The following MARCHF10 variants were observed in gnomAD, a reference collection of about 807,000 sequenced individuals.
MARCHF10 encodes the protein probable E3 ubiquitin-protein ligase MARCHF10.
MARCHF10 carries 64 observed loss-of-function variants against 76.2 expected under a neutral mutation model. That is an observed-to-expected ratio of 0.84 (90% CI 0.69 to 1.03). The LOEUF is 1.03. Among genes scored for constraint, MARCHF10 ranks in the 50% least tolerant of loss-of-function variants. MARCHF10 has a pLI of 0.00. For missense variants in MARCHF10, 875 were observed against 958.0 expected, an observed-to-expected ratio of 0.91 and a Z score of 1.14; for synonymous variants, 340 against 357.5, an observed-to-expected ratio of 0.95 and a Z score of 0.55.
At chr17:62,764,514 T>G (rs1415224169) in intron 3 of MARCHF10, among the ~76,000 whole-genome samples, 4 of 152,182 alleles carry the variant, frequency 2.6e-5, no homozygotes, top group Non-Finnish European at 5.9e-5. Context: ...GAACTTGGTC[T>G]CGTGAGATTA....
At chr17:62,796,963 G>A (rs1344395275) in intron 2 of MARCHF10, among the ~76,000 whole-genome samples, 3 of 151,926 alleles carry the variant, frequency 2.0e-5, no homozygotes, top group Non-Finnish European at 1.5e-5. Flanking sequence ...ACTGCACCCC[G>A]ACCTGGGCAA....
rs140445186 is a variant in MARCHF10, at chr17:62,742,885, C to T, written c.535+1491G>A. The stretch of plus-strand genomic sequence containing the variant: ...CTGGACTCAAGTGATCTTCCACCTC[C>T]GCCTCCTATAGTGCTGGGATTACAG... On this transcript the variant is annotated intron_variant, in intron 5 of 10. Coordinates refer to ENST00000311269, the MANE Select transcript of MARCHF10 (RefSeq NM_152598.4). Among the ~76,000 whole-genome samples, 1,422 of 151,986 alleles carry T rather than the reference C, an allele frequency of 9.4e-3. 12 individuals carry two copies. Among genetic ancestry groups the T allele is most frequent in the Middle Eastern group, 0.017 (5 of 294 alleles).
chr17:62,783,618 T>C (rs754782421), intron 3 of MARCHF10, among the ~76,000 whole-genome samples: 34 of 151,962 alleles, frequency 2.2e-4, no homozygotes, highest in Non-Finnish European at 3.2e-4. Flanking sequence ...ACAAAATTGA[T>C]AGACTGCTAA....
chr17:62,780,989 C>T (rs534716725), intron 3 of MARCHF10: 1 of 152,344 alleles, frequency 6.6e-6, no homozygotes, highest in East Asian at 1.9e-4. Flanking sequence ...CAGCAGCGGT[C>T]TCGCCGGTGC....
Position 62,737,079 on chromosome 17 carries a change from C to G in MARCHF10, c.789G>C (p.Gly263=). ...GPPLTPTTVG[G]PRKASFRFRD... ...GGAACCTAAATGATGCCTTTCTTGGCCCTCCTACAGTGGTGGGTGTGAGTG... is the reference window on the plus strand; with the variant it reads ...GGAACCTAAATGATGCCTTTCTTGGGCCTCCTACAGTGGTGGGTGTGAGTG... The change falls in exon 6 of 11, where the codon GGG becomes GGC. Residue 263 remains glycine, a synonymous_variant. Transcript: ENST00000311269. 7 of 1,614,068 alleles carry G rather than the reference C, an allele frequency of 4.3e-6. No individual in the cohort carries two copies. Among genetic ancestry groups the G allele is most frequent in the Non-Finnish European group, 5.9e-6 (7 of 1,180,024 alleles).
At chr17:62,713,395 A>G (rs765474677) in intron 8 of MARCHF10, among the ~76,000 whole-genome samples, 1 of 152,250 alleles carries the variant, frequency 6.6e-6, no homozygotes, top group Non-Finnish European at 1.5e-5. Context: ...AGGCATGCAG[A>G]TGGGAGAATA....
chr17:62,748,259 T>C (rs1458328683), intron 4 of MARCHF10, among the ~76,000 whole-genome samples: 1 of 152,120 alleles, frequency 6.6e-6, no homozygotes, highest in Non-Finnish European at 1.5e-5. Flanking sequence ...TAGTTGGGCA[T>C]GGTGGCACGC....
intron 4 of MARCHF10, among the ~76,000 whole-genome samples, chr17:62,751,746 C>T (rs939875641): frequency 1.3e-5 from 2 of 152,288 alleles, no homozygotes; most frequent in African/African-American, 2.4e-5. Context: ...TAAGGCTGGG[C>T]GTGGTGGCTC....
chr17:62,802,894 T>C (rs935146508), intron 1 of MARCHF10, among the ~76,000 whole-genome samples: 10 of 152,204 alleles, frequency 6.6e-5, no homozygotes, highest in African/African-American at 2.4e-4. Flanking sequence ...CAAAGAGTCA[T>C]GGGAAACTCC....
intron 8 of MARCHF10, among the ~76,000 whole-genome samples, chr17:62,713,660 A>T (rs2090046589): frequency 1.3e-5 from 2 of 152,202 alleles, no homozygotes; most frequent in South Asian, 4.1e-4. Flanking sequence ...GTTAACTCAA[A>T]GAGTTCCACC....
At chr17:62,725,208 A>G in intron 6 of MARCHF10, 104 bp from the exon 7 acceptor site, 1 of 1,022,820 alleles carries the variant, frequency 9.8e-7, no homozygotes, top group Non-Finnish European at 1.4e-6. Context: ...GGCTCCTGGT[A>G]CTCACCCGCT....
chr17:62,772,736 T>C (rs1597980919), intron 3 of MARCHF10, among the ~76,000 whole-genome samples: 1 of 152,224 alleles, frequency 6.6e-6, no homozygotes, highest in East Asian at 1.9e-4. Flanking sequence ...CTCCAACCTC[T>C]AATGAAATCT....
intron 7 of MARCHF10, 111 bp from the exon 8 acceptor site, chr17:62,722,708 C>A: frequency 1.3e-6 from 1 of 764,428 alleles, no homozygotes; most frequent in South Asian, 2.4e-5. Flanking sequence ...GAATTCTGAG[C>A]TTCAGTGACC....
Position 62,788,586 on chromosome 17 carries a change from C to T in MARCHF10, c.104G>A (p.Arg35Gln), listed in dbSNP as rs139531964. ...VDSEYQACLR[R>Q]QEYRRDPNEK... ...ATTTGGGTCTCTTCTATATTCCTGT[C>T]GTCTCAGACAAGCCTGAAGAACAAC... Residue 35 changes from arginine to glutamine, a missense_variant, in exon 3 of 11, where the codon CGA (arginine) becomes CAA (glutamine). Transcript: ENST00000311269. 82 of 1,614,006 alleles carry T rather than the reference C, an allele frequency of 5.1e-5. No individual in the cohort carries two copies. Among genetic ancestry groups the T allele is most frequent in the Non-Finnish European group, 6.6e-5 (78 of 1,180,006 alleles).
intron 3 of MARCHF10, among the ~76,000 whole-genome samples, chr17:62,766,090 G>A (rs1454580047): frequency 6.6e-6 from 1 of 152,168 alleles, no homozygotes; most frequent in African/African-American, 2.4e-5. Context: ...CAGCTACTCA[G>A]GAGGCTGAGG....
intron 5 of MARCHF10, among the ~76,000 whole-genome samples, chr17:62,739,314 C>T (rs1484756666): frequency 2.0e-5 from 3 of 151,790 alleles, no homozygotes; most frequent in Admixed American, 2.0e-4. Flanking sequence ...TAAATAAATA[C>T]ATAAATACAT....
At position 62,737,124 on chromosome 17, in the gene MARCHF10, C is replaced by G; in HGVS notation, c.744G>C (p.Leu248Phe). ...TGAGTGGTGGCCCCGAGAACTCACTCAATACTTGAGGACTATTTTTTCCTT... is the reference window on the plus strand; with the variant it reads ...TGAGTGGTGGCCCCGAGAACTCACTGAATACTTGAGGACTATTTTTTCCTT... ...AFQGKNSPQV[L>F]SEFSGPPLTP... The change falls in exon 6 of 11, where the codon TTG becomes TTC. Residue 248 changes from leucine to phenylalanine, a missense_variant. Physicochemically the swap from Leu to Phe is conservative, Grantham distance 22. Transcript: ENST00000311269. 1 of 1,614,106 alleles carries G rather than the reference C, an allele frequency of 6.2e-7. No homozygotes were observed. Among genetic ancestry groups the G allele is most frequent in the African/African-American group, 1.3e-5 (1 of 75,004 alleles).
At chr17:62,716,461 T>A (rs1036993914) in intron 8 of MARCHF10, among the ~76,000 whole-genome samples, 1 of 146,108 alleles carries the variant, frequency 6.8e-6, no homozygotes, top group Non-Finnish European at 1.5e-5. Flanking sequence ...AAAAGCAGGG[T>A]GTGGTGGCAC....
intron 3 of MARCHF10, among the ~76,000 whole-genome samples, chr17:62,762,168 T>C (rs1228959667): frequency 6.6e-6 from 1 of 152,198 alleles, no homozygotes; most frequent in Non-Finnish European, 1.5e-5. Context: ...CCTTTATTGG[T>C]TGAGCTGTTA....
Sources: allele counts gnomAD v4.1 joint callset (sites outside exome capture counted in the v4.1 genomes callset), GRCh38; gene constraint gnomAD v4.1.1; transcripts MANE v1.5; gene names NCBI Gene and HGNC (gene_info 2026-07-23, HGNC 2026-07-21).